ASIC2: variants seen among roughly 807,000 people sequenced by gnomAD.
The protein encoded by ASIC2 is acid sensing ion channel subunit 2.
In ASIC2, 25 loss-of-function variants were observed where a neutral mutation model predicts 57.3. That is an observed-to-expected ratio of 0.44 (90% CI 0.32 to 0.61). The LOEUF (loss-of-function observed/expected upper bound fraction) is 0.61, where lower values mean the gene tolerates loss of function less well. ASIC2 is among the 20% of genes least tolerant of loss of function. The probability of loss-of-function intolerance (pLI) is 0.06; values close to 1 mark genes in which losing one functional copy is unlikely to be tolerated. For synonymous variants in ASIC2, 319 were observed against 307.5 expected (o/e 1.04, Z -0.39); for missense variants, 641 against 738.1 (o/e 0.87, Z 1.52).
intron 1 of ASIC2, among the ~76,000 whole-genome samples, chr17:33,677,290 T>C (rs1384211533): frequency 6.6e-6 from 1 of 152,200 alleles, no homozygotes; most frequent in Non-Finnish European, 1.5e-5. Flanking sequence ...GTAACTCTTT[T>C]GTTAGAGGCC....
rs539189760 is a variant in ASIC2, at chr17:33,511,235, A to C, written c.556-399168T>G. Among the ~76,000 whole-genome samples, 5 of 151,962 alleles carry C rather than the reference A, an allele frequency of 3.3e-5. No homozygotes were observed. In the South Asian group the frequency reaches 1.0e-3, roughly 32 times the overall value. ...GTCACCATACAAAAGCAGGATGAGG[A>C]CACACCAAACTGACAAGCAGTGACT... On this transcript the variant is annotated intron_variant, in intron 1 of 9. Transcript: ENST00000359872.
At chr17:33,679,278 C>T (rs1203618236) in intron 1 of ASIC2, among the ~76,000 whole-genome samples, 1 of 152,150 alleles carries the variant, frequency 6.6e-6, no homozygotes, top group African/African-American at 2.4e-5. Flanking sequence ...CCTCTTGCCC[C>T]CACCTAGTGT....
At chr17:33,335,050 A>G (rs1183623746) in intron 1 of ASIC2, among the ~76,000 whole-genome samples, 1 of 152,216 alleles carries the variant, frequency 6.6e-6, no homozygotes, top group Non-Finnish European at 1.5e-5. Flanking sequence ...GTGTCATGTG[A>G]GCCAATCCTG....
At chr17:33,364,763 A>G (rs1908740412) in intron 1 of ASIC2, among the ~76,000 whole-genome samples, 1 of 152,188 alleles carries the variant, frequency 6.6e-6, no homozygotes, top group South Asian at 2.1e-4. Context: ...AGTTCTTTAT[A>G]GCAACGTGAG....
intron 1 of ASIC2, among the ~76,000 whole-genome samples, chr17:33,682,993 A>G (rs957779494): frequency 5.3e-5 from 8 of 152,228 alleles, no homozygotes; most frequent in Non-Finnish European, 8.8e-5. Context: ...AGTGCTACAT[A>G]TTGAGTGGAT....
intron 1 of ASIC2, among the ~76,000 whole-genome samples, chr17:33,937,007 CCTGT>C (rs1233175336): frequency 6.6e-6 from 1 of 152,224 alleles, no homozygotes. Flanking sequence ...TTAGAGTCCT[CCTGT>C]CTGTCTCTCT....
At chr17:33,181,547 C>G (rs941756516) in intron 1 of ASIC2, among the ~76,000 whole-genome samples, 1 of 152,102 alleles carries the variant, frequency 6.6e-6, no homozygotes, top group African/African-American at 2.4e-5. Flanking sequence ...CTTCTGGTGG[C>G]CCCTGACATT....
At chr17:33,988,073 T>C (rs993244421) in intron 1 of ASIC2, among the ~76,000 whole-genome samples, 5 of 152,232 alleles carry the variant, frequency 3.3e-5, no homozygotes, top group Admixed American at 2.6e-4. Flanking sequence ...TAAGAGTGCA[T>C]TAGGCTAGAA....
At chr17:34,085,272 C>T (rs1046379856) in intron 1 of ASIC2, among the ~76,000 whole-genome samples, 1 of 152,078 alleles carries the variant, frequency 6.6e-6, no homozygotes, top group Non-Finnish European at 1.5e-5. Flanking sequence ...TGTCAAAGGC[C>T]TTTTCTGCAT....
At chr17:33,842,660 C>A (rs1913473932) in intron 1 of ASIC2, among the ~76,000 whole-genome samples, 1 of 152,148 alleles carries the variant, frequency 6.6e-6, no homozygotes, top group African/African-American at 2.4e-5. Context: ...TTGTCTTGTC[C>A]TGTCCTGGTC....
intron 1 of ASIC2, among the ~76,000 whole-genome samples, chr17:34,007,735 T>C (rs1337848610): frequency 1.3e-5 from 2 of 152,256 alleles, no homozygotes; most frequent in Non-Finnish European, 2.9e-5. Context: ...TTCTAGAGCA[T>C]GCATGTCCAA....
At chr17:33,281,061 GATACAAAAGTGTC>G (rs1391471520) in intron 1 of ASIC2, among the ~76,000 whole-genome samples, 6 of 152,190 alleles carry the variant, frequency 3.9e-5, no homozygotes, top group Non-Finnish European at 7.3e-5. Flanking sequence ...ATATTGCTGT[GATACAAAAGTGTC>G]ATCTGTAGGC....
chr17:33,421,290 T>A (rs1911034490), intron 1 of ASIC2, among the ~76,000 whole-genome samples: 1 of 152,202 alleles, frequency 6.6e-6, no homozygotes. Flanking sequence ...TCAGGACTAA[T>A]ATTTCTTCCC....
intron 1 of ASIC2, among the ~76,000 whole-genome samples, chr17:33,557,508 A>C (rs1421863208): frequency 6.6e-6 from 1 of 152,230 alleles, no homozygotes; most frequent in Non-Finnish European, 1.5e-5. Context: ...ATAATAGGAT[A>C]ATTGCAAGCA....
chr17:33,957,872 A>C (rs1029712541), intron 1 of ASIC2, among the ~76,000 whole-genome samples: 2 of 152,252 alleles, frequency 1.3e-5, no homozygotes, highest in Non-Finnish European at 2.9e-5. Flanking sequence ...AAGACAAGGC[A>C]AGTCCCTTCT....
At chr17:33,870,981 C>A (rs1472254965) in intron 1 of ASIC2, among the ~76,000 whole-genome samples, 1 of 152,100 alleles carries the variant, frequency 6.6e-6, no homozygotes, top group East Asian at 1.9e-4. Context: ...GTGCCCACCC[C>A]ACCCCCTGAG....
intron 1 of ASIC2, among the ~76,000 whole-genome samples, chr17:33,843,018 A>G (rs1008996010): frequency 1.2e-4 from 18 of 152,364 alleles, no homozygotes; most frequent in African/African-American, 4.3e-4. Flanking sequence ...CAGTGCCTCC[A>G]AAAAGTATTC....
intron 1 of ASIC2, among the ~76,000 whole-genome samples, chr17:33,645,285 G>A (rs942522897): frequency 6.6e-6 from 1 of 152,186 alleles, no homozygotes; most frequent in Non-Finnish European, 1.5e-5. Flanking sequence ...GGTAGGCAGA[G>A]ATGACAAGAA....
intron 1 of ASIC2, among the ~76,000 whole-genome samples, chr17:33,634,102 C>T (rs1906266867): frequency 6.6e-6 from 1 of 151,932 alleles, no homozygotes; most frequent in African/African-American, 2.4e-5. Flanking sequence ...TTGGACTTCC[C>T]ATTCACGTGG....
Sources: allele counts gnomAD v4.1 joint callset (sites outside exome capture counted in the v4.1 genomes callset), GRCh38; gene constraint gnomAD v4.1.1; transcripts MANE v1.5; gene names NCBI Gene and HGNC (gene_info 2026-07-23, HGNC 2026-07-21).